UFSP2: variants seen among roughly 807,000 people sequenced by gnomAD.
UFSP2 encodes the protein UFM1 specific peptidase 2, also known as ufm1-specific protease 2.
Under a neutral mutation model 60.2 loss-of-function variants are expected in UFSP2, and 43 were observed. The observed-to-expected ratio is 0.71, with a 90% CI of 0.56 to 0.92. UFSP2 has a LOEUF of 0.92. Among genes scored for constraint, UFSP2 ranks in the 40% least tolerant of loss-of-function variants. The pLI, the probability that UFSP2 is intolerant of heterozygous loss-of-function variation, is 0.00. For synonymous variants in UFSP2, 183 were observed against 195.1 expected (o/e 0.94, Z 0.52); for missense variants, 520 against 575.0 (o/e 0.90, Z 0.98).
rs2095511688 is a variant in UFSP2 at position 185,400,238 on chromosome 4, A to G, written c.*154T>C. Reference sequence around the variant, plus strand: ...TTTAAGTTATTAAAGGAACGTCTAAAAAATACATTCTCCGTGCAGTATTTA... The same window carrying G: ...TTTAAGTTATTAAAGGAACGTCTAAGAAATACATTCTCCGTGCAGTATTTA... On this transcript the variant is annotated 3_prime_UTR_variant, in exon 12 of 12. Transcript: ENST00000264689. 4.1e-6 allele frequency: 3 copies of G among 735,760 alleles called. No homozygotes were observed. Among genetic ancestry groups the G allele is most frequent in the Non-Finnish European group, 6.5e-6 (3 of 458,578 alleles). 45.6% of individuals were successfully genotyped at this position (735,760 alleles called of 1,614,324 possible). A position where few individuals can be genotyped will look rare whatever the true frequency, so the allele number is the denominator to read the frequency against.
chr4:185,399,775 T>A lies in UFSP2; in HGVS notation c.*617A>T, dbSNP rs2095510927. On this transcript the variant is annotated 3_prime_UTR_variant, in exon 12 of 12. Transcript: ENST00000264689. The stretch of plus-strand genomic sequence containing the variant: ...TACCAGTGGGAAAAGGAAGTGCTGG[T>A]AAGTAACTCAGAGCTGCTGCTTTTT... 2 of 1,613,956 alleles carry A rather than the reference T, an allele frequency of 1.2e-6. No homozygotes were observed. Among genetic ancestry groups the A allele is most frequent in the Non-Finnish European group, 1.7e-6 (2 of 1,179,960 alleles).
At chr4:185,408,936 T>C (rs1168989546) in intron 7 of UFSP2, among the ~76,000 whole-genome samples, 3 of 152,186 alleles carry the variant, frequency 2.0e-5, no homozygotes, top group Admixed American at 1.3e-4. Context: ...TGTTTTTATT[T>C]TTCAAAGTAT....
At chr4:185,408,957 G>C (rs1264975662) in intron 7 of UFSP2, among the ~76,000 whole-genome samples, 2 of 151,878 alleles carry the variant, frequency 1.3e-5, no homozygotes, top group Non-Finnish European at 2.9e-5. Context: ...ATCATGACTT[G>C]ATATACTTTA....
At chr4:185,425,788 G>T in intron 1 of UFSP2, 78 bp downstream of exon 1, 1 of 1,562,210 alleles carries the variant, frequency 6.4e-7, no homozygotes, top group Admixed American at 1.9e-5. Flanking sequence ...CTCCTTTCAG[G>T]CGCTGTGAAG....
At chr4:185,400,753 TTC>T in intron 11 of UFSP2, 2 of 300,542 alleles carry the variant, frequency 6.7e-6, no homozygotes, top group Non-Finnish European at 1.2e-5. Context: ...ACTTTACTGA[TTC>T]TGAGATGTAT....
chr4:185,411,173 GAA>G (rs1250723584), intron 7 of UFSP2, among the ~76,000 whole-genome samples: 2 of 150,404 alleles, frequency 1.3e-5, no homozygotes, highest in Non-Finnish European at 3.0e-5. Flanking sequence ...GAATGAAAAA[GAA>G]AATATTATGA....
At chr4:185,413,575 A>G in intron 7 of UFSP2, 151 bp downstream of exon 7, 2 of 699,572 alleles carry the variant, frequency 2.9e-6, no homozygotes, top group Non-Finnish European at 2.2e-6. Flanking sequence ...AATTACTGCT[A>G]TCTTAAGCAA....
At position 185,402,287 on chromosome 4, in the gene UFSP2, A is replaced by T. The variant is rs551257120; in HGVS notation, c.1323+1207T>A. On this transcript the variant is annotated intron_variant, in intron 11 of 11. Transcript: ENST00000264689. ...TACAGAACAAGAATATTGCTACTAT[A>T]TTCAGTAAGATACATGCACCAGTCA... 866 of 455,344 alleles carry T rather than the reference A, an allele frequency of 1.9e-3. 15 individuals are homozygous for T. Among genetic ancestry groups the T allele is most frequent in the South Asian group, 0.013 (846 of 64,468 alleles). 28.2% of individuals were successfully genotyped at this position (455,344 alleles called of 1,614,324 possible). A position where few individuals can be genotyped will look rare whatever the true frequency, so the allele number is the denominator to read the frequency against.
chr4:185,407,976 T>G lies in UFSP2; in HGVS notation c.1081A>C (p.Asn361His). 1 of 1,614,176 alleles carries G rather than the reference T, an allele frequency of 6.2e-7. No individual in the cohort carries two copies. Among genetic ancestry groups the G allele is most frequent in the African/African-American group, 1.3e-5 (1 of 75,056 alleles). ...TTTGACGTTATACCGATCAATTGGT[T>G]TAGTACCAGCTGCACCTCAATAGAT... ...IGSIEVQLVL[N>H]QLIGITSKIL... is the part of the protein sequence containing the mutation. The change falls in exon 9 of 12, where the codon AAC becomes CAC. Residue 361 changes from asparagine (N) to histidine (H), a missense_variant. Transcript: ENST00000264689.
intron 6 of UFSP2, 93 bp downstream of exon 6, chr4:185,415,062 A>G (rs2095535938): frequency 7.2e-6 from 8 of 1,107,342 alleles, no homozygotes; most frequent in Non-Finnish European, 1.0e-5. Flanking sequence ...GTTAAATCAC[A>G]AAATACCTTC....
intron 7 of UFSP2, among the ~76,000 whole-genome samples, chr4:185,409,954 C>T (rs1424409757): frequency 6.6e-6 from 1 of 152,194 alleles, no homozygotes; most frequent in African/African-American, 2.4e-5. Context: ...GGTGGTCCTG[C>T]TGACATTGTG....
rs765781110 is a variant in UFSP2 at position 185,425,898 on chromosome 4, G to A, written c.-30C>T. On this transcript the variant is annotated 5_prime_UTR_variant, in exon 1 of 12. Transcript: ENST00000264689. ...GCGACGTGGCGGTGACACGGGCGCT[G>A]ACGCCTGCCCAAAAGTTCCGGGGGC... is the stretch of plus-strand genomic sequence containing the variant. 7 of 1,593,184 alleles carry A rather than the reference G, an allele frequency of 4.4e-6. No homozygotes were observed. Among genetic ancestry groups the A allele is most frequent in the African/African-American group, 2.7e-5 (2 of 74,654 alleles).
chr4:185,407,990 A>G lies in UFSP2; in HGVS notation c.1067T>C (p.Val356Ala). 5.6e-6 allele frequency: 9 copies of G among 1,614,164 alleles called. No homozygotes were observed. The highest frequency in any genetic ancestry group is 7.6e-6 in the Non-Finnish European group (9 of 1,180,012). ...GSRQWIGSIE[V>A]QLVLNQLIGI... ...GATCAATTGGTTTAGTACCAGCTGC[A>G]CCTCAATAGATCCAATCCATTGCCG... The change falls in exon 9 of 12, where the codon GTG becomes GCG. Residue 356 changes from valine to alanine, a missense_variant. Coordinates refer to ENST00000264689, the MANE Select transcript of UFSP2 (RefSeq NM_018359.5).
At chr4:185,415,688 G>A in intron 5 of UFSP2, 22 bp downstream of exon 5, 2 of 1,594,014 alleles carry the variant, frequency 1.3e-6, no homozygotes, top group Non-Finnish European at 1.7e-6. Flanking sequence ...AAATGTGGCA[G>A]TGGTACTATA....
chr4:185,406,229 T>C (rs1368642357), intron 9 of UFSP2: 2 of 269,164 alleles, frequency 7.4e-6, no homozygotes, highest in Non-Finnish European at 1.5e-5. Context: ...TCTTGCCTTC[T>C]TGCTGGTAGA....
rs1380317893 is a variant in UFSP2 at position 185,418,502 on chromosome 4, T to C, written c.272A>G (p.Glu91Gly). Residue 91 changes from glutamate (E) to glycine (G), a missense_variant, in exon 4 of 12, where the codon GAG (glutamate) becomes GGG (glycine). By Grantham distance (98) the Glu-to-Gly change is moderately conservative. Transcript: ENST00000264689. The part of the protein sequence containing the change: ...CKNILRFIQF[E>G]PEEDIKRKFM... ...TTTTCTTTTTATATCTTCTTCTGGC[T>C]CAAATCTAAATTTTTAATACACAGA... 6.2e-7 allele frequency: 1 copy of C among 1,611,908 alleles called. No individual in the cohort carries two copies. Among genetic ancestry groups the C allele is most frequent in the Non-Finnish European group, 8.5e-7 (1 of 1,179,100 alleles).
At position 185,408,054 on chromosome 4, in the gene UFSP2, C is replaced by A. The variant is rs777206500; in HGVS notation, c.1003G>T (p.Val335Phe). 3.7e-6 allele frequency: 6 copies of A among 1,613,790 alleles called. No homozygotes were observed. In the Admixed American group the frequency reaches 1.0e-4, roughly 27 times the overall value. ...PTHREIQQAL[V>F]DAGDKPATFV... ...GTTGCTGGTTTGTCCCCGGCATCGACTAGAGCCTTGATGTATTTAAAAATA... is the reference window on the plus strand; with the variant it reads ...GTTGCTGGTTTGTCCCCGGCATCGAATAGAGCCTTGATGTATTTAAAAATA... The change falls in exon 9 of 12, where the codon GTC becomes TTC. Residue 335 changes from valine to phenylalanine, a missense_variant. Coordinates refer to ENST00000264689, the MANE Select transcript of UFSP2 (RefSeq NM_018359.5).
intron 7 of UFSP2, among the ~76,000 whole-genome samples, chr4:185,412,336 A>G (rs1342668785): frequency 1.3e-5 from 2 of 152,206 alleles, no homozygotes; most frequent in Non-Finnish European, 2.9e-5. Context: ...TGGTTGGCCC[A>G]CAGCTTTTGC....
At chr4:185,425,536 T>A (rs1387918721) in intron 1 of UFSP2, among the ~76,000 whole-genome samples, 1 of 152,146 alleles carries the variant, frequency 6.6e-6, no homozygotes, top group Admixed American at 6.5e-5. Flanking sequence ...GGGAATATAA[T>A]ATCCGAAGAA....
Sources: gnomAD v4.1 joint callset for allele counts (sites outside exome capture counted in the v4.1 genomes callset) on GRCh38, gnomAD v4.1.1 for gene constraint, MANE v1.5 for transcripts, NCBI Gene and HGNC (gene_info 2026-07-23, HGNC 2026-07-21) for gene names.